The following PRKN variants were observed in gnomAD, a reference collection of about 807,000 sequenced individuals.
The protein encoded by PRKN is E3 ubiquitin-protein ligase parkin.
A neutral mutation model predicts 59.5 loss-of-function variants in PRKN; 56 were observed. The ratio of observed to expected loss-of-function variants is 0.94; its 90% CI spans 0.76 to 1.18. The LOEUF is 1.18. PRKN is among the 50% of genes most tolerant of loss of function. PRKN has a pLI of 0.00. For missense variants in PRKN, 657 were observed against 596.4 expected, an observed-to-expected ratio of 1.10 and a Z score of -1.06; for synonymous variants, 250 against 222.1, an observed-to-expected ratio of 1.13 and a Z score of -1.12.
intron 1 of PRKN, among the ~76,000 whole-genome samples, chr6:162,587,876 G>A (rs1040747608): frequency 6.6e-6 from 1 of 152,070 alleles, no homozygotes; most frequent in African/African-American, 2.4e-5. Flanking sequence ...AGAGAAAAAT[G>A]TATCTATGTT....
At chr6:161,597,607 C>T (rs942101980) in intron 7 of PRKN, among the ~76,000 whole-genome samples, 5 of 149,434 alleles carry the variant, frequency 3.3e-5, no homozygotes, top group African/African-American at 7.3e-5. Context: ...CCTCCACCCC[C>T]GACTCTCTCT....
chr6:161,541,504 G>C (rs952157146), intron 9 of PRKN, among the ~76,000 whole-genome samples: 1 of 152,182 alleles, frequency 6.6e-6, no homozygotes, highest in African/African-American at 2.4e-5. Context: ...TATTCAAAAA[G>C]ATGGATCTTA....
chr6:162,565,827 C>A (rs992184943), intron 1 of PRKN, among the ~76,000 whole-genome samples: 31 of 151,810 alleles, frequency 2.0e-4, no homozygotes, highest in African/African-American at 7.3e-4. Flanking sequence ...TTATATGTTG[C>A]CTACAAGAAA....
In PRKN at chr6:161,446,076, T is replaced by A. The variant is rs1789476501; in HGVS notation, c.1084-59199A>T. Among the ~76,000 whole-genome samples the A allele has an allele frequency of 7.3e-6, 1 of 136,666 alleles. No homozygotes were observed. Among genetic ancestry groups the A allele is most frequent in the Non-Finnish European group, 1.6e-5 (1 of 63,972 alleles). The allele number at this position is 136,666 out of a possible 152,430, so 89.7% of individuals were successfully genotyped here. A position where few individuals can be genotyped will look rare whatever the true frequency, so the allele number is the denominator to read the frequency against. On this transcript the variant is annotated intron_variant, in intron 9 of 11. Coordinates refer to ENST00000366898, the MANE Select transcript of PRKN (RefSeq NM_004562.3). This position sits in a 1 kb window ranked among gnomAD's most constrained non-coding sequence, Gnocchi z 6.2. Reference sequence around the variant, plus strand: ...AAACTTAGCTGGGTGTGGTGGCACATGCCTATGGTCCCAGGTATCTGGAGC... The same window carrying A: ...AAACTTAGCTGGGTGTGGTGGCACAAGCCTATGGTCCCAGGTATCTGGAGC...
Position 161,556,412 on chromosome 6 carries a change from T to C in PRKN, c.934-7409A>G, listed in dbSNP as rs145283314. ...CTGGAACAAAGAATGTGCTAGTATT[T>C]GTAGAAAGCTTAATATACTAAGGAA... On this transcript the variant is annotated intron_variant, in intron 8 of 11. Coordinates refer to ENST00000366898, the MANE Select transcript of PRKN (RefSeq NM_004562.3). Among the ~76,000 whole-genome samples the C allele has an allele frequency of 1.2e-4, 18 of 152,332 alleles. No homozygotes were observed. In the East Asian group the frequency reaches 2.9e-3, roughly 24 times the overall value.
In PRKN at chr6:162,721,907, G is replaced by T. The variant is rs75076725; in HGVS notation, c.7+5755C>A. Among the ~76,000 whole-genome samples the T allele has an allele frequency of 5.0e-4, 76 of 152,318 alleles. No homozygotes were observed. The East Asian group carries it at 9.5e-3, about 19-fold the overall frequency. On this transcript the variant is annotated intron_variant, in intron 1 of 11. Coordinates refer to ENST00000366898, the MANE Select transcript of PRKN (RefSeq NM_004562.3). ...GTAGTTTTGAGATGTTCAACAGAAA[G>T]AAAGGGCATTCAGATCAACGAGAAT...
chr6:161,721,919 G>A (rs1787238729), intron 7 of PRKN, among the ~76,000 whole-genome samples: 1 of 152,184 alleles, frequency 6.6e-6, no homozygotes, highest in South Asian at 2.1e-4. Flanking sequence ...CGGATAAAAT[G>A]AGAAGTTTTT....
intron 1 of PRKN, among the ~76,000 whole-genome samples, chr6:162,709,221 G>A (rs955479526): frequency 1.3e-5 from 2 of 151,940 alleles, no homozygotes; most frequent in Admixed American, 1.3e-4. Flanking sequence ...ATGTAATAAA[G>A]GGCACAATAA....
intron 3 of PRKN, among the ~76,000 whole-genome samples, chr6:162,247,179 T>A (rs1269492779): frequency 1.3e-5 from 2 of 152,198 alleles, no homozygotes; most frequent in African/African-American, 4.8e-5. Flanking sequence ...CTTTCCAGTT[T>A]CTTTGTGAAA....
chr6:161,922,598 A>C (rs1270381596), intron 6 of PRKN, among the ~76,000 whole-genome samples: 1 of 152,188 alleles, frequency 6.6e-6, no homozygotes, highest in Non-Finnish European at 1.5e-5. Flanking sequence ...ATATAATATA[A>C]GTACATGAGG....
chr6:162,404,153 C>T (rs1787943566), intron 2 of PRKN, among the ~76,000 whole-genome samples: 1 of 151,810 alleles, frequency 6.6e-6, no homozygotes, highest in Non-Finnish European at 1.5e-5. Flanking sequence ...AGGCGGATCA[C>T]GAGGTCAGGA....
chr6:161,767,048 G>A (rs777754351), intron 7 of PRKN, among the ~76,000 whole-genome samples: 10 of 152,116 alleles, frequency 6.6e-5, no homozygotes, highest in African/African-American at 1.4e-4. Flanking sequence ...AGAAAGTAAC[G>A]TGACCAAAAT....
chr6:161,377,967 C>T lies in PRKN; in HGVS notation c.1167+8827G>A, dbSNP rs1254396901. Reference sequence around the variant, plus strand: ...GTCTACGGTATTGAGTGACAGCAGCCCAAACAGATGAGGCAGCAGCTGACA... The same window carrying T: ...GTCTACGGTATTGAGTGACAGCAGCTCAAACAGATGAGGCAGCAGCTGACA... On this transcript the variant is annotated intron_variant, in intron 10 of 11. Transcript: ENST00000366898. This position sits in a 1 kb window ranked among gnomAD's most constrained non-coding sequence, Gnocchi z 4.2. Among the ~76,000 whole-genome samples the T allele has an allele frequency of 6.6e-6, 1 of 151,990 alleles. No individual in the cohort carries two copies. The highest frequency in any genetic ancestry group is 1.5e-5 in the Non-Finnish European group (1 of 68,006).
At chr6:161,679,691 T>G (rs1785235500) in intron 7 of PRKN, among the ~76,000 whole-genome samples, 1 of 141,968 alleles carries the variant, frequency 7.0e-6, no homozygotes, top group African/African-American at 2.5e-5. Flanking sequence ...CCCCTTTTTT[T>G]TTTTTAAGAA....
In PRKN at chr6:161,584,354, C is replaced by T. The variant is rs183281565; in HGVS notation, c.872-14938G>A. 3.9e-5 allele frequency among the ~76,000 whole-genome samples: 6 copies of T among 152,220 alleles called. No individual in the cohort carries two copies. The highest frequency in any genetic ancestry group is 7.4e-5 in the Non-Finnish European group (5 of 68,018). ...CATAGAGCAGTCACCCACATAATTGCTCTGAATATAATGGTGCTGCAAAAT... is the reference window on the plus strand; with the variant it reads ...CATAGAGCAGTCACCCACATAATTGTTCTGAATATAATGGTGCTGCAAAAT... On this transcript the variant is annotated intron_variant, in intron 7 of 11. Transcript: ENST00000366898. This position sits in a 1 kb window ranked among gnomAD's most constrained non-coding sequence, Gnocchi z 4.8.
rs1341927111 is a variant in PRKN at position 161,868,149 on chromosome 6, G to C, written c.735-82241C>G. Among the ~76,000 whole-genome samples, 7 of 152,076 alleles carry C rather than the reference G, an allele frequency of 4.6e-5. No individual in the cohort carries two copies. The East Asian group carries it at 1.3e-3, about 29-fold the overall frequency. ...TTTCTAAGATCATTTTCACTATTGA[G>C]ATTATTCCATCCTTGTTTACAACTG... On this transcript the variant is annotated intron_variant, in intron 6 of 11. Coordinates refer to ENST00000366898, the MANE Select transcript of PRKN (RefSeq NM_004562.3).
At chr6:162,024,167 C>T (rs749688754) in intron 5 of PRKN, among the ~76,000 whole-genome samples, 1 of 148,948 alleles carries the variant, frequency 6.7e-6, no homozygotes, top group Non-Finnish European at 1.5e-5. Flanking sequence ...GTACGAGTCC[C>T]TCCCTTCCTC....
rs79889196 is a variant in PRKN, at chr6:161,650,192, C to T, written c.872-80776G>A. On this transcript the variant is annotated intron_variant, in intron 7 of 11. Coordinates refer to ENST00000366898, the MANE Select transcript of PRKN (RefSeq NM_004562.3). ...TTATATGCCTGACCCACAGAGTCCA[C>T]GAGCATAATGCAATATTTGTTTATG... 5.0e-3 allele frequency among the ~76,000 whole-genome samples: 754 copies of T among 152,256 alleles called. 17 individuals are homozygous for T. The East Asian group carries it at 0.062, about 13-fold the overall frequency.
chr6:162,687,028 T>C (rs538383468), intron 1 of PRKN, among the ~76,000 whole-genome samples: 5 of 152,184 alleles, frequency 3.3e-5, no homozygotes, highest in Admixed American at 6.5e-5. Context: ...TTTTTTTGGT[T>C]CCATATGAAT....
Sources: allele counts gnomAD v4.1 joint callset (sites outside exome capture counted in the v4.1 genomes callset), GRCh38; gene constraint gnomAD v4.1.1; non-coding constraint Gnocchi (gnomAD v3.1); transcripts MANE v1.5; gene names NCBI Gene and HGNC (gene_info 2026-07-23, HGNC 2026-07-21).